Variants in NKAIN3 observed in about 807,000 individuals in gnomAD.
NKAIN3 encodes sodium/potassium-transporting ATPase subunit beta-1-interacting protein 3.
Under a neutral mutation model 30.2 loss-of-function variants are expected in NKAIN3, and 25 were observed. The observed-to-expected ratio is 0.83, with a 90% CI of 0.60 to 1.16. The LOEUF is 1.16. NKAIN3 is among the 50% of genes most tolerant of loss of function. The pLI is 0.00. For synonymous variants in NKAIN3, 91 were observed against 89.6 expected (o/e 1.02, Z -0.09); for missense variants, 225 against 254.1 (o/e 0.89, Z 0.78).
chr8:62,383,636 C>T (rs1025206306), intron 1 of NKAIN3: 8 of 416,996 alleles, frequency 1.9e-5, no homozygotes, highest in Non-Finnish European at 3.8e-5. Flanking sequence ...CTAAAATTAT[C>T]AAACCATTCT....
At chr8:62,924,517 A>G (rs916920723) in intron 5 of NKAIN3, among the ~76,000 whole-genome samples, 3 of 152,254 alleles carry the variant, frequency 2.0e-5, no homozygotes, top group African/African-American at 4.8e-5. Flanking sequence ...AGGGTTTCCA[A>G]TGGCAGAGAT....
In NKAIN3 at chr8:62,967,468, T is replaced by C. The variant is rs1158469391; in HGVS notation, c.*2061T>C. ...TAAAGGAGGTGATTATTATTAATAA[T>C]GTCAAAACACTCCTCTGTACCCTGT... is the stretch of plus-strand genomic sequence containing the variant. On this transcript the variant is annotated 3_prime_UTR_variant, in exon 7 of 7. Transcript: ENST00000623646. Among the ~76,000 whole-genome samples the C allele has an allele frequency of 1.3e-5, 2 of 152,194 alleles. No individual in the cohort carries two copies. Among genetic ancestry groups the C allele is most frequent in the African/African-American group, 4.8e-5 (2 of 41,446 alleles).
At chr8:62,681,425 T>C (rs941960566) in intron 3 of NKAIN3, among the ~76,000 whole-genome samples, 4 of 152,228 alleles carry the variant, frequency 2.6e-5, no homozygotes, top group African/African-American at 7.2e-5. Context: ...ATAGAGTTGA[T>C]ACTCAGTTAA....
At position 62,726,197 on chromosome 8, in the gene NKAIN3, A is replaced by G. The variant is rs1586133141; in HGVS notation, c.274-20735A>G. On this transcript the variant is annotated intron_variant, in intron 3 of 6. Coordinates refer to ENST00000623646, the MANE Select transcript of NKAIN3 (RefSeq NM_001304533.3). The stretch of plus-strand genomic sequence containing the variant: ...TTGTATGCTAATTTTATATTCTACA[A>G]CTTTACTGAATTTGTTTATCAGTTG... Among the ~76,000 whole-genome samples, 3 of 152,182 alleles carry G rather than the reference A, an allele frequency of 2.0e-5. No homozygotes were observed. The East Asian group carries it at 5.8e-4, about 29-fold the overall frequency.
At chr8:62,994,273 T>C (rs990884515) in intron 5 of NKAIN3, among the ~76,000 whole-genome samples, 1 of 152,226 alleles carries the variant, frequency 6.6e-6, no homozygotes, top group African/African-American at 2.4e-5. Context: ...TGGGTCGTTA[T>C]GCAGCTATCA....
Position 62,305,339 on chromosome 8 carries a change from G to A in NKAIN3, c.54+56212G>A, listed in dbSNP as rs1028797175. On this transcript the variant is annotated intron_variant, in intron 1 of 6. Transcript: ENST00000623646. ...AAATTGGGTTTTAAAGGGAGAAATC[G>A]AATTTGAGTTAGGGAATTCCATAAC... 6.0e-5 allele frequency among the ~76,000 whole-genome samples: 9 copies of A among 150,300 alleles called. 1 individual carries two copies. The highest frequency in any genetic ancestry group is 2.0e-4 in the African/African-American group (8 of 39,784).
At chr8:62,905,587 G>A (rs1020024785) in intron 4 of NKAIN3, among the ~76,000 whole-genome samples, 3 of 151,948 alleles carry the variant, frequency 2.0e-5, no homozygotes, top group Non-Finnish European at 2.9e-5. Context: ...ATTTTCTCTT[G>A]AACCTGCTCT....
intron 4 of NKAIN3, among the ~76,000 whole-genome samples, chr8:62,789,867 G>A (rs1403839321): frequency 3.3e-5 from 5 of 152,138 alleles, no homozygotes; most frequent in East Asian, 1.9e-4. Context: ...ATTCACAGCC[G>A]AATTCTACCA....
Position 62,579,630 on chromosome 8 carries a change from T to C in NKAIN3, c.146T>C (p.Leu49Ser), listed in dbSNP as rs1196771856. 1.2e-6 allele frequency: 2 copies of C among 1,609,060 alleles called. No homozygotes were observed. Among genetic ancestry groups the C allele is most frequent in the Non-Finnish European group, 1.7e-6 (2 of 1,176,348 alleles). ...TTTCTACACATAATAGTTGTCATAT[T>C]GGGTTTGTTTGGGACCATTCAGTAC... ...GNFLHIIVVILGLFGTIQYRP... is the reference protein window; with the variant it reads ...GNFLHIIVVISGLFGTIQYRP... Residue 49 changes from leucine (L) to serine (S), a missense_variant, in exon 2 of 7, where the codon TTG (leucine) becomes TCG (serine). Transcript: ENST00000623646.
chr8:62,840,055 C>T (rs1027183771), intron 4 of NKAIN3, among the ~76,000 whole-genome samples: 8 of 152,162 alleles, frequency 5.3e-5, no homozygotes, highest in African/African-American at 1.9e-4. Context: ...ACATACATCC[C>T]CTCCAAAGCA....
intron 4 of NKAIN3, among the ~76,000 whole-genome samples, chr8:62,846,131 A>G (rs1435596987): frequency 6.6e-6 from 1 of 152,154 alleles, no homozygotes; most frequent in Non-Finnish European, 1.5e-5. Context: ...GATAAAAAAA[A>G]CACTAACATA....
Position 62,738,151 on chromosome 8 carries a change from A to G in NKAIN3, c.274-8781A>G, listed in dbSNP as rs1324088101. Among the ~76,000 whole-genome samples the G allele has an allele frequency of 3.9e-5, 6 of 152,264 alleles. No homozygotes were observed. In the East Asian group the frequency reaches 1.2e-3, roughly 29 times the overall value. The stretch of plus-strand genomic sequence containing the variant: ...CCACCAACAGTGTAAAATCGTTCCT[A>G]TTTCTCCACATCCTCTCCAGCATCT... On this transcript the variant is annotated intron_variant, in intron 3 of 6. Transcript: ENST00000623646.
intron 4 of NKAIN3, among the ~76,000 whole-genome samples, chr8:62,800,565 C>A (rs1211269193): frequency 2.6e-5 from 4 of 152,206 alleles, no homozygotes; most frequent in African/African-American, 7.2e-5. Flanking sequence ...CAGGGATTTT[C>A]TCTACTATAA....
chr8:62,670,958 G>C (rs2130387001), intron 3 of NKAIN3, among the ~76,000 whole-genome samples: 1 of 151,236 alleles, frequency 6.6e-6, no homozygotes, highest in Non-Finnish European at 1.5e-5. Flanking sequence ...ATCTGTTCCA[G>C]TCCTCAAAAA....
At chr8:62,907,599 C>T (rs375830674) in intron 4 of NKAIN3, among the ~76,000 whole-genome samples, 38 of 152,264 alleles carry the variant, frequency 2.5e-4, no homozygotes, top group East Asian at 1.7e-3. Context: ...TTGTACAGTC[C>T]GGAGACTTGG....
chr8:62,331,383 A>G (rs555240050), intron 1 of NKAIN3, among the ~76,000 whole-genome samples: 2 of 151,996 alleles, frequency 1.3e-5, no homozygotes, highest in African/African-American at 2.4e-5. Flanking sequence ...TCACCTCACT[A>G]TATTCAATTT....
At chr8:62,748,390 T>C (rs559483043) in intron 4 of NKAIN3, among the ~76,000 whole-genome samples, 42 of 152,226 alleles carry the variant, frequency 2.8e-4, no homozygotes, top group African/African-American at 8.2e-4. Context: ...GGTAGCTGAA[T>C]AATAAAAGGT....
At chr8:62,697,093 A>C (rs769042) in intron 3 of NKAIN3, among the ~76,000 whole-genome samples, 49,997 of 152,024 alleles carry the variant, frequency 0.33, 11,816 homozygotes, top group African/African-American at 0.67. Flanking sequence ...AAACTGCAGC[A>C]GGCGTAATCC....
At chr8:62,926,863 T>C (rs988062978) in intron 5 of NKAIN3, among the ~76,000 whole-genome samples, 10 of 152,208 alleles carry the variant, frequency 6.6e-5, no homozygotes, top group Non-Finnish European at 1.5e-4. Flanking sequence ...CCGTGGCTTT[T>C]GTGGCTGCTA....
Sources: gnomAD v4.1 joint callset for allele counts (sites outside exome capture counted in the v4.1 genomes callset) on GRCh38, gnomAD v4.1.1 for gene constraint, MANE v1.5 for transcripts, NCBI Gene and HGNC (gene_info 2026-07-23, HGNC 2026-07-21) for gene names.